Variants in CAMSAP1 observed in about 807,000 individuals in gnomAD.
The protein encoded by CAMSAP1 is calmodulin-regulated spectrin-associated protein 1.
A neutral mutation model predicts 143.5 loss-of-function variants in CAMSAP1; 58 were observed. That is an observed-to-expected ratio of 0.40 (90% CI 0.33 to 0.50). The LOEUF is 0.50. Among genes scored for constraint, CAMSAP1 ranks in the 20% least tolerant of loss-of-function variants. CAMSAP1 has a pLI of 0.45. For missense variants in CAMSAP1, 1,969 were observed against 2,115.7 expected (o/e 0.93, Z 1.36); for synonymous variants, 945 against 859.3 (o/e 1.10, Z -1.74).
intron 3 of CAMSAP1, among the ~76,000 whole-genome samples, chr9:135,866,909 C>T (rs894775681): frequency 6.6e-6 from 1 of 152,192 alleles, no homozygotes; most frequent in African/African-American, 2.4e-5. Flanking sequence ...GTGGAGACAC[C>T]TCACTAAAGA....
chr9:135,840,050 G>A (rs184642308), intron 7 of CAMSAP1, among the ~76,000 whole-genome samples: 28 of 152,310 alleles, frequency 1.8e-4, no homozygotes, highest in African/African-American at 6.3e-4. Flanking sequence ...TCCTGGAGAA[G>A]ACCAACCAAT....
At chr9:135,900,395 C>A (rs1838579396) in intron 1 of CAMSAP1, among the ~76,000 whole-genome samples, 1 of 151,916 alleles carries the variant, frequency 6.6e-6, no homozygotes, top group South Asian at 2.1e-4. Flanking sequence ...AATAATAAAC[C>A]ACTCTAAGAA....
chr9:135,846,631 C>T (rs1018389403), intron 7 of CAMSAP1, among the ~76,000 whole-genome samples: 2 of 144,058 alleles, frequency 1.4e-5, no homozygotes, highest in African/African-American at 5.2e-5. Context: ...ATCTATCCAA[C>T]TGACAAAGGG....
At chr9:135,888,479 A>C (rs995983616) in intron 1 of CAMSAP1, among the ~76,000 whole-genome samples, 1 of 152,164 alleles carries the variant, frequency 6.6e-6, no homozygotes, top group African/African-American at 2.4e-5. Context: ...CCTCCAACTC[A>C]GCCCCAGGAA....
chr9:135,816,065 C>A, intron 14 of CAMSAP1, 60 bp from the exon 15 acceptor site: 1 of 1,516,886 alleles, frequency 6.6e-7, no homozygotes. Flanking sequence ...CTCACCACTG[C>A]TGGCAAGGGG....
At chr9:135,859,110 G>A (rs1000432359) in intron 5 of CAMSAP1, among the ~76,000 whole-genome samples, 2 of 152,222 alleles carry the variant, frequency 1.3e-5, no homozygotes, top group African/African-American at 2.4e-5. Flanking sequence ...AAAAGAAGCT[G>A]CATCTTCTAG....
In CAMSAP1 at chr9:135,810,551, T is replaced by G. The variant is rs1207752728; in HGVS notation, c.*758A>C. The G allele has an allele frequency of 6.6e-6, 1 of 152,658 alleles. No individual in the cohort carries two copies. Among genetic ancestry groups the G allele is most frequent in the Non-Finnish European group, 1.5e-5 (1 of 68,052 alleles). The allele number at this position is 152,658 out of a possible 1,614,324, so 9.5% of individuals were successfully genotyped here. On this transcript the variant is annotated 3_prime_UTR_variant, in exon 17 of 17. Transcript: ENST00000389532. ...AAATGAGGCAAACATCAGCTCCTAG[T>G]GCCATTCCCCACCCTCATGACCGCG...
chr9:135,842,226 G>A (rs529575441), intron 7 of CAMSAP1, among the ~76,000 whole-genome samples: 2 of 152,248 alleles, frequency 1.3e-5, no homozygotes, highest in South Asian at 4.2e-4. Context: ...TAGCTGAATC[G>A]ATCAAGTGGA....
intron 1 of CAMSAP1, among the ~76,000 whole-genome samples, chr9:135,900,177 C>T (rs771764230): frequency 2.0e-5 from 3 of 152,038 alleles, no homozygotes; most frequent in Admixed American, 2.0e-4. Context: ...AGGCGTGCAC[C>T]ACCATGCCCA....
chr9:135,842,797 A>AT (rs1195656797), intron 7 of CAMSAP1, among the ~76,000 whole-genome samples: 3 of 152,212 alleles, frequency 2.0e-5, no homozygotes, highest in Non-Finnish European at 2.9e-5. Context: ...ATGCTGAGAG[A>AT]TTTTGTCACC....
chr9:135,813,163 A>T (rs1040375598), intron 16 of CAMSAP1, among the ~76,000 whole-genome samples: 1 of 152,176 alleles, frequency 6.6e-6, no homozygotes, highest in African/African-American at 2.4e-5. Context: ...AGGCCTTCCC[A>T]GGAATCTCAG....
chr9:135,896,318 G>C (rs1423661600), intron 1 of CAMSAP1, among the ~76,000 whole-genome samples: 1 of 152,110 alleles, frequency 6.6e-6, no homozygotes, highest in Non-Finnish European at 1.5e-5. Flanking sequence ...ATGATAAAAG[G>C]ATCAATCTAC....
Position 135,862,574 on chromosome 9 carries a change from T to C in CAMSAP1, c.701A>G (p.Gln234Arg), listed in dbSNP as rs762742713. 2 of 1,551,752 alleles carry C rather than the reference T, an allele frequency of 1.3e-6. No individual in the cohort carries two copies. The highest frequency in any genetic ancestry group is 1.7e-6 in the Non-Finnish European group (2 of 1,147,004). ...CTCCAACAACGGGAAGTAGGGTGAC[T>C]GCCTAGCAGAAAGGTGCTCTCGTCG... is the stretch of plus-strand genomic sequence containing the variant. The part of the protein sequence containing the change: ...RYRREHLSAR[Q>R]SPYFPLLEDL... The change falls in exon 5 of 17, where the codon CAG becomes CGG. Residue 234 changes from glutamine (Q) to arginine (R), a missense_variant. Gln to Arg is a conservative substitution (Grantham distance 43). Coordinates refer to ENST00000389532, the MANE Select transcript of CAMSAP1 (RefSeq NM_015447.4).
chr9:135,895,066 A>G (rs929827539), intron 1 of CAMSAP1, among the ~76,000 whole-genome samples: 11 of 152,250 alleles, frequency 7.2e-5, no homozygotes, highest in African/African-American at 2.4e-4. Flanking sequence ...AACAACAGGC[A>G]GAAACTGCAA....
In CAMSAP1 at chr9:135,827,535, G is replaced by A. The variant is rs1835718932; in HGVS notation, c.1095C>T (p.Ser365=). Residue 365 remains serine (S), a synonymous_variant, in exon 8 of 17, where the codon TCC becomes TCT. Coordinates refer to ENST00000389532, the MANE Select transcript of CAMSAP1 (RefSeq NM_015447.4). ...CTAGGAAACTGCGTTTGGTCGCGTT[G>A]GAGATCGGTACAGGAGGCCGGCTGC... is the stretch of plus-strand genomic sequence containing the variant. The part of the protein sequence containing the change: ...QKSSRPPVPI[S]NATKRSFLGS... The A allele has an allele frequency of 6.2e-7, 1 of 1,612,480 alleles. No homozygotes were observed. Among genetic ancestry groups the A allele is most frequent in the Non-Finnish European group, 8.5e-7 (1 of 1,178,686 alleles).
chr9:135,821,522 G>A lies in CAMSAP1; in HGVS notation c.3139C>T (p.Gln1047Ter), dbSNP rs1460036047. ...ACTGTGGGGGACTTCATCAGAAGCT[G>A]CTCTTGCTGCTGAGAGATTTTCAGG... ...AILKISQQQE[Q>*]LLMKSPTVPV... Residue 1047 changes from glutamine to a stop codon, truncating the protein, a stop_gained, in exon 11 of 17, where the codon CAG becomes TAG. Transcript: ENST00000389532. LOFTEE classifies it high-confidence loss of function. The surrounding 1 kb of genome is among the most constrained non-coding windows in gnomAD (Gnocchi z 4.6). The A allele has an allele frequency of 1.2e-6, 2 of 1,614,016 alleles. No individual in the cohort carries two copies. Among genetic ancestry groups the A allele is most frequent in the African/African-American group, 1.3e-5 (1 of 75,054 alleles).
intron 5 of CAMSAP1, 79 bp downstream of exon 5, chr9:135,862,388 T>C (rs929271596): frequency 1.5e-6 from 2 of 1,348,180 alleles, no homozygotes; most frequent in Non-Finnish European, 1.0e-6. Context: ...TTTTTTTTAA[T>C]ATATATGTGG....
At position 135,821,390 on chromosome 9, in the gene CAMSAP1, G is replaced by T. The variant is rs769330301; in HGVS notation, c.3271C>A (p.Pro1091Thr). The change falls in exon 11 of 17, where the codon CCC (proline) becomes ACC (threonine). Residue 1091 changes from proline to threonine, a missense_variant. By Grantham distance (38) the Pro-to-Thr change is conservative. Around this residue, in one of 4 missense-constraint regions of CAMSAP1, gnomAD observed 1,390 missense variants for 1,420.8 expected, o/e 0.98. Transcript: ENST00000389532. The surrounding 1 kb of genome is among the most constrained non-coding windows in gnomAD (Gnocchi z 4.6). ...PTGVAGHRKA[P>T]RLGQGRNSRS... The stretch of plus-strand genomic sequence containing the variant: ...GAATTCCGGCCTTGACCCAGCCGGG[G>T]GGCTTTGCGGTGGCCAGCCACGCCC... The T allele has an allele frequency of 6.2e-7, 1 of 1,613,898 alleles. No individual in the cohort carries two copies. Among genetic ancestry groups the T allele is most frequent in the Non-Finnish European group, 8.5e-7 (1 of 1,179,830 alleles).
At chr9:135,855,120 T>C (rs993246325) in intron 5 of CAMSAP1, among the ~76,000 whole-genome samples, 2 of 152,016 alleles carry the variant, frequency 1.3e-5, no homozygotes, top group African/African-American at 4.8e-5. Flanking sequence ...GCCTCCCGAG[T>C]AGCTGAGACT....
Sources: allele counts gnomAD v4.1 joint callset (sites outside exome capture counted in the v4.1 genomes callset), GRCh38; gene constraint gnomAD v4.1.1; regional missense constraint gnomAD v4.1.1; non-coding constraint Gnocchi (gnomAD v3.1); transcripts MANE v1.5; gene names NCBI Gene and HGNC (gene_info 2026-07-23, HGNC 2026-07-21).